The following MEP1B variants were observed in gnomAD, a reference collection of about 807,000 sequenced individuals.
MEP1B encodes meprin A subunit beta.
In MEP1B, 80 loss-of-function variants were observed where a neutral mutation model predicts 84.6. The ratio of observed to expected loss-of-function variants is 0.95; its 90% confidence interval spans 0.79 to 1.14. The LOEUF is 1.14. Ranked by LOEUF, MEP1B falls within the 50% of genes most tolerant of loss-of-function variation. The probability of loss-of-function intolerance (pLI) is 0.00; values close to 1 mark genes in which losing one functional copy is unlikely to be tolerated. For synonymous variants in MEP1B, 273 were observed against 288.1 expected, an observed-to-expected ratio of 0.95 and a Z score of 0.53; for missense variants, 766 against 855.1, an observed-to-expected ratio of 0.90 and a Z score of 1.30.
At chr18:32,205,889 A>G (rs552100668) in intron 7 of MEP1B, among the ~76,000 whole-genome samples, 33 of 152,308 alleles carry the variant, frequency 2.2e-4, no homozygotes, top group Admixed American at 8.5e-4. Context: ...CATAGCCATC[A>G]CCTCACTTAT....
rs115055572 is a variant in MEP1B, at chr18:32,197,435, T to C, written c.250+1950T>C. Among the ~76,000 whole-genome samples, 193 of 150,140 alleles carry C rather than the reference T, an allele frequency of 1.3e-3. 2 individuals carry two copies. Among genetic ancestry groups the C allele is most frequent in the African/African-American group, 4.2e-3 (170 of 40,846 alleles). On this transcript the variant is annotated intron_variant, in intron 5 of 14. Transcript: ENST00000269202. ...TTTTTTTTTGTTTTGAGACAGAGTCTTGCTCTGGAATGCAGTGGCACAATC... is the reference window on the plus strand; with the variant it reads ...TTTTTTTTTGTTTTGAGACAGAGTCCTGCTCTGGAATGCAGTGGCACAATC...
intron 10 of MEP1B, among the ~76,000 whole-genome samples, chr18:32,212,144 G>C (rs2041035099): frequency 6.7e-6 from 1 of 149,702 alleles, no homozygotes; most frequent in South Asian, 2.1e-4. Context: ...TACAAATATT[G>C]ATATAATGTA....
chr18:32,195,562 G>A, intron 5 of MEP1B, 77 bp downstream of exon 5: 1 of 948,294 alleles, frequency 1.1e-6, no homozygotes, highest in Non-Finnish European at 1.6e-6. Flanking sequence ...CAAAGGGTGG[G>A]CTTATATAGT....
chr18:32,205,224 G>T (rs1598892328), intron 7 of MEP1B, among the ~76,000 whole-genome samples: 2 of 152,214 alleles, frequency 1.3e-5, no homozygotes, highest in East Asian at 3.9e-4. Context: ...ATTGTTTCAT[G>T]GAACAATTTT....
intron 12 of MEP1B, among the ~76,000 whole-genome samples, chr18:32,215,778 C>T (rs1369719182): frequency 1.3e-5 from 2 of 151,938 alleles, no homozygotes; most frequent in African/African-American, 2.4e-5. Flanking sequence ...GAGCCAAGTT[C>T]GTGCCACTGC....
At chr18:32,201,534 T>G (rs1049899727) in intron 5 of MEP1B, among the ~76,000 whole-genome samples, 1 of 152,112 alleles carries the variant, frequency 6.6e-6, no homozygotes, top group African/African-American at 2.4e-5. Flanking sequence ...AGAATAATGA[T>G]GAAAAAATAT....
chr18:32,210,394 A>G (rs938314929), intron 9 of MEP1B, 107 bp from the exon 10 acceptor site: 3 of 899,406 alleles, frequency 3.3e-6, no homozygotes, highest in South Asian at 1.8e-5. Context: ...CGATTTATAT[A>G]TGGATGTTAC....
At position 32,213,256 on chromosome 18, in the gene MEP1B, C is replaced by T. The variant is rs372197706; in HGVS notation, c.1276C>T (p.Arg426Trp). Reference protein sequence around the residue: ...SIDDINLSETRCPHHIWHIRN... With the variant: ...SIDDINLSETWCPHHIWHIRN... Reference sequence around the variant, plus strand: ...TGATGACATCAATCTTTCGGAAACACGGTGCCCTCATCATATCTGGCATAT... The same window carrying T: ...TGATGACATCAATCTTTCGGAAACATGGTGCCCTCATCATATCTGGCATAT... The change falls in exon 11 of 15, where the codon CGG becomes TGG. Residue 426 changes from arginine to tryptophan, a missense_variant. Physicochemically the swap from Arg to Trp is moderately radical, Grantham distance 101. Transcript: ENST00000269202. 4.5e-5 allele frequency: 73 copies of T among 1,613,856 alleles called. No individual in the cohort carries two copies. The highest frequency in any genetic ancestry group is 1.7e-4 in the Admixed American group (10 of 60,006).
Position 32,210,697 on chromosome 18 carries a change from C to T in MEP1B, c.1116C>T (p.Thr372=). Residue 372 remains threonine (T), a synonymous_variant, in exon 10 of 15, where the codon ACC becomes ACT. Coordinates refer to ENST00000269202, the MANE Select transcript of MEP1B (RefSeq NM_005925.3). ...YSADNVDGNL[T]LVEEIKEIPT... is the part of the protein sequence containing the mutation. ...CAGACAATGTGGATGGCAATTTAAC[C>T]CTTGTGGAAGAAATAAAAGGTACAA... 6.2e-7 allele frequency: 1 copy of T among 1,613,162 alleles called. No homozygotes were observed. Among genetic ancestry groups the T allele is most frequent in the Non-Finnish European group, 8.5e-7 (1 of 1,179,404 alleles).
chr18:32,196,625 C>T lies in MEP1B; in HGVS notation c.250+1140C>T. The T allele has an allele frequency of 1.4e-6, 1 of 717,788 alleles. No homozygotes were observed. The highest frequency in any genetic ancestry group is 2.6e-5 in the East Asian group (1 of 39,032). 44.5% of individuals were successfully genotyped at this position (717,788 alleles called of 1,614,324 possible). ...GGTCGTACTCCATCACCCTGTGCAG[C>T]ACCCGCCTGATGTTGTCCAGCACGC... On this transcript the variant is annotated intron_variant, in intron 5 of 14. Transcript: ENST00000269202. The surrounding 1 kb of genome is among the most constrained non-coding windows in gnomAD (Gnocchi z 4.4).
chr18:32,208,991 G>A (rs2040994453), intron 9 of MEP1B, among the ~76,000 whole-genome samples: 1 of 152,218 alleles, frequency 6.6e-6, no homozygotes, highest in Non-Finnish European at 1.5e-5. Context: ...GAGGAAAGTA[G>A]ATAGGGAGGG....
chr18:32,212,104 T>C (rs2041034625), intron 10 of MEP1B, among the ~76,000 whole-genome samples: 1 of 148,996 alleles, frequency 6.7e-6, no homozygotes, highest in African/African-American at 2.4e-5. Flanking sequence ...ACTATAAATA[T>C]TATATTTTAT....
At chr18:32,209,943 A>G (rs1026190452) in intron 9 of MEP1B, among the ~76,000 whole-genome samples, 4 of 152,188 alleles carry the variant, frequency 2.6e-5, no homozygotes, top group East Asian at 3.9e-4. Flanking sequence ...GGAGACACAG[A>G]TGCTACAACT....
intron 14 of MEP1B, among the ~76,000 whole-genome samples, chr18:32,218,967 C>T (rs72939664): frequency 0.018 from 2,677 of 152,282 alleles, 43 homozygotes; most frequent in Non-Finnish European, 0.028. Flanking sequence ...CTCAAAGAAG[C>T]ACAGAGAAAG....
chr18:32,206,580 C>T (rs1267307678), intron 7 of MEP1B, among the ~76,000 whole-genome samples: 1 of 151,818 alleles, frequency 6.6e-6, no homozygotes, highest in Non-Finnish European at 1.5e-5. Context: ...CAGGCATGCA[C>T]CACCATGCCT....
At chr18:32,218,136 G>A (rs530102966) in intron 14 of MEP1B, among the ~76,000 whole-genome samples, 171 bp downstream of exon 14, 11 of 152,306 alleles carry the variant, frequency 7.2e-5, no homozygotes, top group Non-Finnish European at 1.6e-4. Context: ...GTAAATCAAC[G>A]ATTCTTAAAC....
chr18:32,205,172 CT>C (rs1568268484), intron 7 of MEP1B, among the ~76,000 whole-genome samples: 1 of 152,118 alleles, frequency 6.6e-6, no homozygotes, highest in Admixed American at 6.5e-5. Flanking sequence ...TCATGGTCTT[CT>C]TTTTTCTTTT....
intron 6 of MEP1B, 124 bp from the exon 7 acceptor site, chr18:32,204,058 T>A (rs2040938964): frequency 7.9e-6 from 6 of 760,718 alleles, no homozygotes; most frequent in African/African-American, 1.7e-5. Flanking sequence ...CGCACAGTGT[T>A]CAGATGTAAG....
In MEP1B at chr18:32,217,894, A is replaced by C; in HGVS notation, c.2020A>C (p.Ser674Arg). The C allele has an allele frequency of 6.2e-7, 1 of 1,613,986 alleles. No homozygotes were observed. Among genetic ancestry groups the C allele is most frequent in the Non-Finnish European group, 8.5e-7 (1 of 1,179,898 alleles). ...FALMLIITLVSVYCTRKKYRE... is the reference protein window; with the variant it reads ...FALMLIITLVRVYCTRKKYRE... ...CTTGATGCTGATCATCACCCTTGTC[A>C]GTGTCTATTGCACCAGGAAGAAATA... The change falls in exon 14 of 15, where the codon AGT becomes CGT. Residue 674 changes from serine to arginine, a missense_variant. Coordinates refer to ENST00000269202, the MANE Select transcript of MEP1B (RefSeq NM_005925.3).
Sources: allele counts gnomAD v4.1 joint callset (sites outside exome capture counted in the v4.1 genomes callset), GRCh38; gene constraint gnomAD v4.1.1; non-coding constraint Gnocchi (gnomAD v3.1); transcripts MANE v1.5; gene names NCBI Gene and HGNC (gene_info 2026-07-23, HGNC 2026-07-21).